DMD: variants seen among roughly 807,000 people sequenced by gnomAD.
DMD encodes the protein dystrophin, also known as mutant dystrophin.
DMD carries 63 observed loss-of-function variants against 330.1 expected under a neutral mutation model. The ratio of observed to expected loss-of-function variants is 0.19; its 90% CI spans 0.16 to 0.24. The LOEUF (loss-of-function observed/expected upper bound fraction) is 0.24, where lower values mean the gene tolerates loss of function less well. Among genes scored for constraint, DMD ranks in the 10% least tolerant of loss-of-function variants. DMD has a pLI of 1.00. For synonymous variants in DMD, 1,223 were observed against 959.8 expected (o/e 1.27, Z -5.07); for missense variants, 3,344 against 2,684.1 (o/e 1.25, Z -5.43).
chrX:32,746,082 G>T (rs972422993), intron 7 of DMD, among the ~76,000 whole-genome samples: 8 of 112,067 alleles, frequency 7.1e-5, no homozygotes, highest in Admixed American at 1.9e-4. Context: ...ATAATTCTTA[G>T]AATTGAAAGT....
intron 44 of DMD, among the ~76,000 whole-genome samples, chrX:32,101,894 T>C (rs1392293969): frequency 9.0e-6 from 1 of 111,503 alleles, no homozygotes; most frequent in African/African-American, 3.3e-5. Flanking sequence ...AATGGATTCA[T>C]CCATTCATAA....
In DMD at chrX:33,051,646, A is replaced by ATTT. The variant is rs754035822; in HGVS notation, c.32-31449_32-31447dup. Among the ~76,000 whole-genome samples, 645 of 71,922 alleles carry ATTT rather than the reference A, an allele frequency of 9.0e-3. 23 individuals are homozygous for ATTT. Among genetic ancestry groups the ATTT allele is most frequent in the East Asian group, 0.07 (151 of 2,159 alleles). 62.5% of individuals were successfully genotyped at this position (71,922 alleles called of 115,157 possible). ...TAAGGAAAATATATAATTACGCTCT[A>ATTT]TTTTTTTTTTTTTTTTTTTGAGACG... is the stretch of plus-strand genomic sequence containing the variant. On this transcript the variant is annotated intron_variant, in intron 1 of 78. Transcript: ENST00000357033.
At chrX:32,240,121 A>G (rs953596417) in intron 43 of DMD, among the ~76,000 whole-genome samples, 2 of 111,775 alleles carry the variant, frequency 1.8e-5, no homozygotes, top group Non-Finnish European at 3.8e-5. Flanking sequence ...GCTTTTGGAA[A>G]TTCCTTGTGC....
chrX:32,201,982 C>A (rs1313115173), intron 44 of DMD, among the ~76,000 whole-genome samples: 1 of 111,920 alleles, frequency 8.9e-6, no homozygotes, highest in Non-Finnish European at 1.9e-5. Flanking sequence ...TATCACTATA[C>A]GTATATCCTT....
intron 1 of DMD, among the ~76,000 whole-genome samples, chrX:33,033,600 T>C (rs1280622810): frequency 9.5e-6 from 1 of 104,907 alleles, no homozygotes; most frequent in Non-Finnish European, 1.9e-5. Context: ...GCACCTGTAG[T>C]CTCAGCTACT....
chrX:31,926,473 G>A (rs374132972), intron 47 of DMD, among the ~76,000 whole-genome samples: 3 of 110,559 alleles, frequency 2.7e-5, no homozygotes, highest in Admixed American at 9.7e-5. Context: ...TCAGGAGTTC[G>A]AGACCAGCCT....
chrX:31,799,208 C>A (rs2091956205), intron 50 of DMD, among the ~76,000 whole-genome samples: 1 of 112,030 alleles, frequency 8.9e-6, no homozygotes, highest in Admixed American at 9.4e-5. Context: ...TGAAAATCGA[C>A]AAGAGGGGAT....
chrX:33,183,907 T>C (rs2050120973), intron 1 of DMD, among the ~76,000 whole-genome samples: 1 of 111,644 alleles, frequency 9.0e-6, no homozygotes, highest in Admixed American at 9.6e-5. Flanking sequence ...CTCTAAGTCA[T>C]GGCCATTGCT....
chrX:32,539,160 A>G (rs1371149356), intron 17 of DMD, among the ~76,000 whole-genome samples: 1 of 93,508 alleles, frequency 1.1e-5, no homozygotes, highest in Admixed American at 1.4e-4. Context: ...ATGGTATGCA[A>G]GATTTCTATT....
At position 31,683,658 on chromosome X, in the gene DMD, C is replaced by T. The variant is rs6628625; in HGVS notation, c.7661-4072G>A. Among the ~76,000 whole-genome samples, 29 of 110,862 alleles carry T rather than the reference C, an allele frequency of 2.6e-4. No individual in the cohort carries two copies. The East Asian group carries it at 7.6e-3, about 29-fold the overall frequency. ...GGGAATGGACTCCTGGAAAATACAA[C>T]GTAAAAAGAATAAATAAAACACAAA... On this transcript the variant is annotated intron_variant, in intron 52 of 78. Transcript: ENST00000357033.
intron 22 of DMD, among the ~76,000 whole-genome samples, chrX:32,469,841 C>T (rs747725965): frequency 9.0e-6 from 1 of 111,365 alleles, no homozygotes; most frequent in East Asian, 2.8e-4. Flanking sequence ...ACCTACCTAT[C>T]TAATCCATCC....
chrX:32,590,387 T>C (rs12115968), intron 13 of DMD, among the ~76,000 whole-genome samples: 27,038 of 110,860 alleles, frequency 0.24, 5,769 homozygotes, highest in African/African-American at 0.7. Flanking sequence ...GTCAACTTCA[T>C]GGAATTGAGG....
At chrX:31,963,277 C>T (rs1194037849) in intron 45 of DMD, among the ~76,000 whole-genome samples, 1 of 111,859 alleles carries the variant, frequency 8.9e-6, no homozygotes, top group Non-Finnish European at 1.9e-5. Context: ...ACGAATGCCT[C>T]CCATTATCTT....
intron 2 of DMD, among the ~76,000 whole-genome samples, chrX:33,004,199 T>G (rs2093347787): frequency 8.9e-6 from 1 of 112,028 alleles, no homozygotes; most frequent in African/African-American, 3.2e-5. Context: ...GAAAACCTTT[T>G]AAAAAGGTGT....
chrX:31,230,627 C>T lies in DMD; in HGVS notation c.9287-7506G>A, dbSNP rs565891464. Among the ~76,000 whole-genome samples the T allele has an allele frequency of 1.4e-4, 15 of 103,593 alleles. 1 individual carries two copies. Among genetic ancestry groups the T allele is most frequent in the Middle Eastern group, 5.1e-3 (1 of 198 alleles). The allele number at this position is 103,593 out of a possible 115,157, so 90.0% of individuals were successfully genotyped here. A position where few individuals can be genotyped will look rare whatever the true frequency, so the allele number is the denominator to read the frequency against. On this transcript the variant is annotated intron_variant, in intron 63 of 78. Transcript: ENST00000357033. ...TCGCACCACTGCACTTCAGCCTGGGCGACAGAATGAGACTCCATCTCAAGA... is the reference window on the plus strand; with the variant it reads ...TCGCACCACTGCACTTCAGCCTGGGTGACAGAATGAGACTCCATCTCAAGA...
At chrX:32,672,668 T>C (rs1490860193) in intron 9 of DMD, among the ~76,000 whole-genome samples, 4 of 110,429 alleles carry the variant, frequency 3.6e-5, no homozygotes, top group African/African-American at 1.3e-4. Flanking sequence ...CTTAACATGT[T>C]CCAACCAGAA....
intron 76 of DMD, among the ~76,000 whole-genome samples, chrX:31,142,851 T>C (rs936797941): frequency 2.7e-5 from 3 of 112,236 alleles, no homozygotes; most frequent in African/African-American, 9.7e-5. Context: ...GTAAGAACTG[T>C]ACAGAATACA....
chrX:33,044,030 C>T, intron 1 of DMD, among the ~76,000 whole-genome samples: 1 of 111,694 alleles, frequency 9.0e-6, no homozygotes, highest in Non-Finnish European at 1.9e-5. Flanking sequence ...TCCACTAGGC[C>T]AGAGGGGCTG....
chrX:32,196,829 C>CA (rs771997734), intron 44 of DMD, among the ~76,000 whole-genome samples: 4 of 108,360 alleles, frequency 3.7e-5, no homozygotes, highest in Admixed American at 9.9e-5. Context: ...ACTAAAAATA[C>CA]AAAAAAATTA....
Sources: allele counts gnomAD v4.1 joint callset (sites outside exome capture counted in the v4.1 genomes callset), GRCh38; gene constraint gnomAD v4.1.1; transcripts MANE v1.5; gene names NCBI Gene and HGNC (gene_info 2026-07-23, HGNC 2026-07-21).